ATP8A2: variants seen among roughly 807,000 people sequenced by gnomAD.
The protein encoded by ATP8A2 is ATPase phospholipid transporting 8A2.
ATP8A2 carries 100 observed loss-of-function variants against 165.6 expected under a neutral mutation model. The ratio of observed to expected loss-of-function variants is 0.60; its 90% CI spans 0.51 to 0.71. The LOEUF (loss-of-function observed/expected upper bound fraction) is 0.71, where lower values mean the gene tolerates loss of function less well. ATP8A2 is among the 30% of genes least tolerant of loss of function. ATP8A2 has a pLI of 0.00. For synonymous variants in ATP8A2, 543 were observed against 548.8 expected, an observed-to-expected ratio of 0.99 and a Z score of 0.15; for missense variants, 1,227 against 1,479.5, an observed-to-expected ratio of 0.83 and a Z score of 2.80.
At chr13:25,522,848 G>A (rs1008047377) in intron 2 of ATP8A2, among the ~76,000 whole-genome samples, 5 of 152,142 alleles carry the variant, frequency 3.3e-5, no homozygotes, top group African/African-American at 1.2e-4. Flanking sequence ...TACTGGACGG[G>A]CATGGTGGCT....
At chr13:25,943,616 A>G (rs1409561004) in intron 33 of ATP8A2, among the ~76,000 whole-genome samples, 1 of 152,210 alleles carries the variant, frequency 6.6e-6, no homozygotes, top group Non-Finnish European at 1.5e-5. Context: ...TGCATTTCCC[A>G]AAATGTGTCT....
chr13:25,488,356 TCTA>T (rs1267096362), intron 2 of ATP8A2, among the ~76,000 whole-genome samples: 5 of 152,326 alleles, frequency 3.3e-5, no homozygotes, highest in African/African-American at 1.2e-4. Context: ...CAGTCACCGT[TCTA>T]CTTTCTGTCC....
intron 27 of ATP8A2, among the ~76,000 whole-genome samples, chr13:25,827,286 A>G (rs1473012708): frequency 1.3e-5 from 2 of 151,470 alleles, no homozygotes; most frequent in Non-Finnish European, 1.5e-5. Context: ...TAATTTTTGT[A>G]TTTTCAGTAG....
At chr13:25,455,155 A>C (rs1026502165) in intron 1 of ATP8A2, among the ~76,000 whole-genome samples, 1 of 152,122 alleles carries the variant, frequency 6.6e-6, no homozygotes, top group Non-Finnish European at 1.5e-5. Context: ...ACTGTGCCCC[A>C]CAGCAATGTC....
chr13:25,905,891 G>A (rs1012624348), intron 33 of ATP8A2, among the ~76,000 whole-genome samples: 2 of 152,194 alleles, frequency 1.3e-5, no homozygotes, highest in South Asian at 4.1e-4. Context: ...TGAGGCCACG[G>A]AAACATTCCA....
intron 2 of ATP8A2, among the ~76,000 whole-genome samples, chr13:25,506,226 T>G (rs2037031947): frequency 6.6e-6 from 1 of 152,218 alleles, no homozygotes; most frequent in Admixed American, 6.5e-5. Context: ...CAGGGCTCAT[T>G]TGAGGGGAGC....
intron 10 of ATP8A2, among the ~76,000 whole-genome samples, chr13:25,546,156 G>A (rs1000771388): frequency 1.3e-5 from 2 of 152,034 alleles, no homozygotes; most frequent in Non-Finnish European, 2.9e-5. Context: ...TATTACATGA[G>A]TTAATTAAAC....
At position 25,982,804 on chromosome 13, in the gene ATP8A2, C is replaced by G. The variant is rs150496980; in HGVS notation, c.3377+14125C>G. ...TGTCTACAAAGTGCACCATTTGATT[C>G]CAGATAAATAAATTTCTTTATATGG... On this transcript the variant is annotated intron_variant, in intron 35 of 36. Coordinates refer to ENST00000381655, the MANE Select transcript of ATP8A2 (RefSeq NM_016529.6). 2.4e-3 allele frequency among the ~76,000 whole-genome samples: 372 copies of G among 152,280 alleles called. 1 individual carries two copies. Among genetic ancestry groups the G allele is most frequent in the African/African-American group, 8.3e-3 (345 of 41,572 alleles).
chr13:25,940,283 C>T lies in ATP8A2; in HGVS notation c.3184-21292C>T, dbSNP rs1955036491. ...CACCCTGGAAGCCTCTTCCCAGAGTCCTCTGCTGATGCTGATGCCTCCCAT... is the reference window on the plus strand; with the variant it reads ...CACCCTGGAAGCCTCTTCCCAGAGTTCTCTGCTGATGCTGATGCCTCCCAT... On this transcript the variant is annotated intron_variant, in intron 33 of 36. Transcript: ENST00000381655. 5.9e-5 allele frequency among the ~76,000 whole-genome samples: 9 copies of T among 152,270 alleles called. No individual in the cohort carries two copies. The South Asian group carries it at 1.9e-3, about 32-fold the overall frequency.
At chr13:25,690,959 A>G (rs7318070) in intron 24 of ATP8A2, among the ~76,000 whole-genome samples, 15,957 of 152,232 alleles carry the variant, frequency 0.1, 962 homozygotes, top group East Asian at 0.26. Context: ...GTCCAATAAT[A>G]GGTGAACACC....
At chr13:25,915,719 AC>A (rs1332692083) in intron 33 of ATP8A2, among the ~76,000 whole-genome samples, 1 of 152,148 alleles carries the variant, frequency 6.6e-6, no homozygotes, top group Non-Finnish European at 1.5e-5. Flanking sequence ...AGTCCTAGAG[AC>A]CCAGCACAGA....
chr13:25,904,237 T>C (rs1277382559), intron 33 of ATP8A2, among the ~76,000 whole-genome samples: 1 of 152,200 alleles, frequency 6.6e-6, no homozygotes, highest in Non-Finnish European at 1.5e-5. Context: ...ACCTATACCT[T>C]GGACCTGTCA....
chr13:25,661,450 AT>A (rs750046716), intron 24 of ATP8A2, among the ~76,000 whole-genome samples: 1 of 151,946 alleles, frequency 6.6e-6, no homozygotes, highest in Non-Finnish European at 1.5e-5. Context: ...TTTGTTTTTG[AT>A]TGTCATTACT....
chr13:25,727,061 G>A (rs2043510086), intron 25 of ATP8A2, among the ~76,000 whole-genome samples: 2 of 152,066 alleles, frequency 1.3e-5, no homozygotes, highest in Admixed American at 1.3e-4. Context: ...CTCCATCAGG[G>A]GTACATGCAT....
chr13:25,526,889 A>G (rs2037859168), intron 2 of ATP8A2, among the ~76,000 whole-genome samples: 1 of 152,110 alleles, frequency 6.6e-6, no homozygotes, highest in Non-Finnish European at 1.5e-5. Context: ...GATGATGGGG[A>G]AGCTGCCCGT....
At chr13:25,977,041 A>AT (rs1956061730) in intron 35 of ATP8A2, among the ~76,000 whole-genome samples, 1 of 31,666 alleles carries the variant, frequency 3.2e-5, no homozygotes, top group African/African-American at 1.2e-4. Context: ...CCCCACCCCC[A>AT]CCCCCCTTCC....
chr13:25,455,576 C>G (rs577324491), intron 1 of ATP8A2, among the ~76,000 whole-genome samples: 9 of 152,106 alleles, frequency 5.9e-5, no homozygotes, highest in Non-Finnish European at 8.8e-5. Context: ...ATATTAAAAG[C>G]CTTTCATTCA....
chr13:26,017,244 C>T (rs954513692), intron 36 of ATP8A2, among the ~76,000 whole-genome samples: 2 of 152,170 alleles, frequency 1.3e-5, no homozygotes, highest in African/African-American at 2.4e-5. Flanking sequence ...GAGCCAGTGA[C>T]GACCCTGCCA....
At chr13:25,480,111 G>A (rs1340419932) in intron 2 of ATP8A2, among the ~76,000 whole-genome samples, 3 of 150,626 alleles carry the variant, frequency 2.0e-5, no homozygotes, top group African/African-American at 4.9e-5. Context: ...GCGGCTGGCC[G>A]GGCGGGGGGC....
Sources: gnomAD v4.1 joint callset for allele counts (sites outside exome capture counted in the v4.1 genomes callset) on GRCh38, gnomAD v4.1.1 for gene constraint, MANE v1.5 for transcripts, NCBI Gene and HGNC (gene_info 2026-07-23, HGNC 2026-07-21) for gene names.